Variants in TASP1 observed in about 807,000 individuals in gnomAD.
TASP1 encodes the protein threonine aspartase 1.
In TASP1, 16 loss-of-function variants were observed where a neutral mutation model predicts 56.6. The observed-to-expected ratio is 0.28, with a 90% CI of 0.19 to 0.43. The LOEUF (loss-of-function observed/expected upper bound fraction) is 0.43, where lower values mean the gene tolerates loss of function less well. Among genes scored for constraint, TASP1 ranks in the 20% least tolerant of loss-of-function variants. TASP1 has a pLI of 1.00. For missense variants in TASP1, 393 were observed against 511.6 expected, an observed-to-expected ratio of 0.77 and a Z score of 2.24; for synonymous variants, 179 against 184.2, an observed-to-expected ratio of 0.97 and a Z score of 0.23.
At chr20:13,141,837 A>T in the TASP1 span, among the ~76,000 whole-genome samples, 42 of 152,226 alleles carry the variant, frequency 2.8e-4, no homozygotes, top group South Asian at 8.7e-3. Context: ...TCCATGATTA[A>T]TCACCTGTGC....
At chr20:13,257,948 CA>C in the TASP1 span, among the ~76,000 whole-genome samples, 1 of 152,056 alleles carries the variant, frequency 6.6e-6, no homozygotes. Flanking sequence ...GTGAAAGGAG[CA>C]AGGATTTCAT....
chr20:13,412,170 C>T (rs192284757), intron 13 of TASP1, among the ~76,000 whole-genome samples: 23 of 152,250 alleles, frequency 1.5e-4, no homozygotes, highest in Admixed American at 8.5e-4. Context: ...GAAAAACTGG[C>T]GGTGGGTATA....
At chr20:13,235,330 C>G in the TASP1 span, among the ~76,000 whole-genome samples, 1 of 152,210 alleles carries the variant, frequency 6.6e-6, no homozygotes, top group African/African-American at 2.4e-5. Flanking sequence ...TCACAAGATC[C>G]AACAGACTAG....
At chr20:13,361,981 C>T in the TASP1 span, among the ~76,000 whole-genome samples, 8 of 151,138 alleles carry the variant, frequency 5.3e-5, no homozygotes, top group South Asian at 4.2e-4. Context: ...CATCCAAAAC[C>T]GTATCCAGGC....
intron 4 of TASP1, among the ~76,000 whole-genome samples, chr20:13,598,211 G>C (rs1315564799): frequency 1.3e-5 from 2 of 152,142 alleles, no homozygotes; most frequent in African/African-American, 2.4e-5. Context: ...CAAAAAAAGA[G>C]CCTGCATTGC....
intron 9 of TASP1, among the ~76,000 whole-genome samples, chr20:13,533,243 T>G (rs2045289029): frequency 6.6e-6 from 1 of 152,196 alleles, no homozygotes; most frequent in Non-Finnish European, 1.5e-5. Context: ...AATACTGAGT[T>G]TAAATGAACC....
At chr20:13,153,063 G>A in the TASP1 span, among the ~76,000 whole-genome samples, 3 of 152,146 alleles carry the variant, frequency 2.0e-5, no homozygotes, top group Admixed American at 6.5e-5. Context: ...CATTCCTGCC[G>A]AACAGCAATC....
At chr20:13,268,381 TCTCTC>T in the TASP1 span, among the ~76,000 whole-genome samples, 4 of 132,872 alleles carry the variant, frequency 3.0e-5, no homozygotes, top group Non-Finnish European at 5.1e-5. Context: ...TCTCTCTCTC[TCTCTC>T]TCTCTCTCTC....
chr20:13,633,802 GA>G (rs903834158), intron 1 of TASP1, among the ~76,000 whole-genome samples: 2 of 147,938 alleles, frequency 1.4e-5, no homozygotes, highest in Non-Finnish European at 3.0e-5. Flanking sequence ...AATGAAAGGA[GA>G]AACATAGGCA....
the TASP1 span, among the ~76,000 whole-genome samples, chr20:13,209,120 G>A: frequency 6.6e-6 from 1 of 152,122 alleles, no homozygotes; most frequent in South Asian, 2.1e-4. Context: ...CCATGAAGTT[G>A]TTGTTCTTTC....
chr20:13,391,859 T>C (rs1002411027), intron 13 of TASP1, among the ~76,000 whole-genome samples: 7 of 151,418 alleles, frequency 4.6e-5, no homozygotes, highest in African/African-American at 1.7e-4. Context: ...TCCCAGCTAC[T>C]TGGGAGGCTG....
At chr20:13,199,073 AT>A in the TASP1 span, among the ~76,000 whole-genome samples, 95 of 146,514 alleles carry the variant, frequency 6.5e-4, no homozygotes, top group Non-Finnish European at 6.5e-4. Flanking sequence ...ACCTGGCTAA[AT>A]TTTTTTTTTT....
At chr20:13,305,024 T>A in the TASP1 span, among the ~76,000 whole-genome samples, 1 of 152,110 alleles carries the variant, frequency 6.6e-6, no homozygotes, top group Admixed American at 6.5e-5. Flanking sequence ...CAAATATTAT[T>A]GTTAATATTT....
chr20:13,614,157 C>T (rs1469747801), intron 4 of TASP1, among the ~76,000 whole-genome samples: 1 of 152,120 alleles, frequency 6.6e-6, no homozygotes, highest in Non-Finnish European at 1.5e-5. Flanking sequence ...CTACTTTCAA[C>T]ATGTGTTAAA....
chr20:13,135,822 T>G, the TASP1 span, among the ~76,000 whole-genome samples: 2 of 152,232 alleles, frequency 1.3e-5, no homozygotes, highest in African/African-American at 4.8e-5. Context: ...TCATAATGTC[T>G]CTGACTTAAT....
chr20:13,400,817 C>T (rs993972318), intron 13 of TASP1, among the ~76,000 whole-genome samples: 3 of 152,148 alleles, frequency 2.0e-5, no homozygotes, highest in Non-Finnish European at 2.9e-5. Context: ...GCTTTACTTA[C>T]AGAACATAAA....
the TASP1 span, among the ~76,000 whole-genome samples, chr20:13,252,931 C>G: frequency 6.6e-6 from 1 of 151,970 alleles, no homozygotes; most frequent in African/African-American, 2.4e-5. Flanking sequence ...GGGTCCCCAG[C>G]CCCCCCTCTC....
At chr20:13,281,678 A>G in the TASP1 span, among the ~76,000 whole-genome samples, 8 of 152,182 alleles carry the variant, frequency 5.3e-5, no homozygotes, top group African/African-American at 9.7e-5. Flanking sequence ...AGGACAGTAG[A>G]AGGATCTAGA....
chr20:13,234,914 A>G, the TASP1 span, among the ~76,000 whole-genome samples: 1 of 152,218 alleles, frequency 6.6e-6, no homozygotes, highest in Admixed American at 6.5e-5. Context: ...TTTTTCCTAC[A>G]GAATCTGTAT....
Sources: allele counts gnomAD v4.1 joint callset (sites outside exome capture counted in the v4.1 genomes callset), GRCh38; gene constraint gnomAD v4.1.1; transcripts MANE v1.5; gene names NCBI Gene and HGNC (gene_info 2026-07-23, HGNC 2026-07-21).